AJAP1: variants seen among roughly 807,000 people sequenced by gnomAD.
AJAP1 encodes adherens junction-associated protein 1.
AJAP1 carries 5 observed loss-of-function variants against 35.0 expected under a neutral mutation model. The ratio of observed to expected loss-of-function variants is 0.14; its 90% CI spans 0.07 to 0.30. The LOEUF is 0.30. Ranked by LOEUF, AJAP1 falls within the 10% of genes least tolerant of loss-of-function variation. The pLI is 1.00. For synonymous variants in AJAP1, 284 were observed against 249.3 expected (o/e 1.14, Z -1.31); for missense variants, 586 against 571.0 (o/e 1.03, Z -0.27).
chr1:4,700,287 C>T (rs935749426), intron 1 of AJAP1, among the ~76,000 whole-genome samples: 1 of 152,096 alleles, frequency 6.6e-6, no homozygotes, highest in Non-Finnish European at 1.5e-5. Context: ...TGAGGGAGGC[C>T]CTGGGGACAC....
In AJAP1 at chr1:4,659,596, G is replaced by A. The variant is rs900858342; in HGVS notation, c.29+4142G>A. ...GTCAGACCTCTGGTGGCCCTTGGGC[G>A]TGTCCCCAAGTACATCCGCCTCAGA... On this transcript the variant is annotated intron_variant, in intron 1 of 5. Transcript: ENST00000378191. Among the ~76,000 whole-genome samples the A allele has an allele frequency of 3.9e-5, 6 of 152,182 alleles. No individual in the cohort carries two copies. The East Asian group carries it at 5.8e-4, about 15-fold the overall frequency.
Position 4,712,528 on chromosome 1 carries a change from A to C in AJAP1, c.658A>C (p.Thr220Pro), listed in dbSNP as rs1042099732. 22 of 1,609,910 alleles carry C rather than the reference A, an allele frequency of 1.4e-5. No individual in the cohort carries two copies. The highest frequency in any genetic ancestry group is 1.6e-5 in the Non-Finnish European group (19 of 1,178,110). The change falls in exon 2 of 6, where the codon ACC (threonine) becomes CCC (proline). Residue 220 changes from threonine (T) to proline (P), a missense_variant. Transcript: ENST00000378191. ...QTRKTTVAAT[T>P]TTTTTATPMT... is the part of the protein sequence containing the mutation. ...ACGGAAGACAACTGTGGCCGCCACC[A>C]CCACCACCACCACCACGGCCACCCC...
Position 4,783,519 on chromosome 1 carries a change from GTGTATA to G in AJAP1, c.*1036_*1041del, listed in dbSNP as rs1393808705. 1.6e-5 allele frequency: 2 copies of G among 126,644 alleles called. No individual in the cohort carries two copies. The highest frequency in any genetic ancestry group is 2.5e-4 in the East Asian group (1 of 4,002). The allele number at this position is 126,644 out of a possible 1,614,324, so 7.8% of individuals were successfully genotyped here. Reference sequence around the variant, plus strand: ...TATATATATATATATATGTTTGTGTGTGTATATATATATATATATATATATGTTTGT... The same window carrying G: ...TATATATATATATATATGTTTGTGTGTATATATATATATATATATGTTTGT... On this transcript the variant is annotated 3_prime_UTR_variant, in exon 6 of 6. Coordinates refer to ENST00000378191, the MANE Select transcript of AJAP1 (RefSeq NM_018836.4).
intron 1 of AJAP1, among the ~76,000 whole-genome samples, chr1:4,707,361 A>G (rs946609667): frequency 2.0e-5 from 3 of 151,860 alleles, no homozygotes; most frequent in Non-Finnish European, 4.4e-5. Context: ...TTGTGCAGCT[A>G]CCCCCACACA....
intron 2 of AJAP1, among the ~76,000 whole-genome samples, chr1:4,733,058 C>T (rs1413730971): frequency 6.6e-6 from 1 of 152,144 alleles, no homozygotes. Flanking sequence ...AATTAAGAAG[C>T]TGTTAAAATG....
intron 2 of AJAP1, among the ~76,000 whole-genome samples, chr1:4,766,615 G>A (rs1254030894): frequency 1.3e-5 from 2 of 152,172 alleles, no homozygotes; most frequent in South Asian, 2.1e-4. Context: ...CTAAGCAGGA[G>A]CCCAGGAGCC....
Position 4,669,897 on chromosome 1 carries a change from C to T in AJAP1, c.29+14443C>T, listed in dbSNP as rs1036033015. On this transcript the variant is annotated intron_variant, in intron 1 of 5. Transcript: ENST00000378191. Reference sequence around the variant, plus strand: ...AACATACATGTACAGGTGTCTGTTTCGGTCCCTGTTTTTGATCCTTTGAGG... The same window carrying T: ...AACATACATGTACAGGTGTCTGTTTTGGTCCCTGTTTTTGATCCTTTGAGG... 3.5e-4 allele frequency among the ~76,000 whole-genome samples: 53 copies of T among 152,290 alleles called. 1 individual carries two copies. Among genetic ancestry groups the T allele is most frequent in the African/African-American group, 1.2e-3 (50 of 41,564 alleles).
chr1:4,730,256 G>A (rs1007702350), intron 2 of AJAP1, among the ~76,000 whole-genome samples: 11 of 152,220 alleles, frequency 7.2e-5, no homozygotes, highest in African/African-American at 2.4e-4. Flanking sequence ...TTGCTGCTGC[G>A]TTTGTAGCCA....
At chr1:4,719,704 C>T (rs954600884) in intron 2 of AJAP1, among the ~76,000 whole-genome samples, 1 of 152,190 alleles carries the variant, frequency 6.6e-6, no homozygotes, top group African/African-American at 2.4e-5. Context: ...CCTCCTCTAG[C>T]TCCGAATTGC....
intron 2 of AJAP1, among the ~76,000 whole-genome samples, chr1:4,727,058 C>T (rs922155075): frequency 1.3e-5 from 2 of 152,340 alleles, no homozygotes; most frequent in East Asian, 1.9e-4. Context: ...CCTGTGGCAG[C>T]AGGTTGCCAT....
Position 4,769,911 on chromosome 1 carries a change from T to C in AJAP1, c.888T>C (p.Ala296=). Residue 296 remains alanine (A), a synonymous_variant, in exon 3 of 6, where the codon GCT becomes GCC. Coordinates refer to ENST00000378191, the MANE Select transcript of AJAP1 (RefSeq NM_018836.4). ...ITVSLIMVIA[A]LITTLVLKNC... is the part of the protein sequence containing the mutation. ...TCTCCCTCATCATGGTCATAGCTGC[T>C]CTCATCACAACTCTTGTCTTAAAAA... 1 of 1,613,992 alleles carries C rather than the reference T, an allele frequency of 6.2e-7. No homozygotes were observed. Among genetic ancestry groups the C allele is most frequent in the Non-Finnish European group, 8.5e-7 (1 of 1,179,938 alleles).
intron 2 of AJAP1, among the ~76,000 whole-genome samples, chr1:4,756,856 C>T (rs1641443372): frequency 6.6e-6 from 1 of 152,156 alleles, no homozygotes; most frequent in South Asian, 2.1e-4. Context: ...TCCCAGAATG[C>T]TGAGAAGGGT....
At position 4,654,691 on chromosome 1, in the gene AJAP1, CCCGCGCGCCTCCT is replaced by C. The variant is rs1638830773; in HGVS notation, c.-727_-715del. 2 of 146,558 alleles carry C rather than the reference CCCGCGCGCCTCCT, an allele frequency of 1.4e-5. No homozygotes were observed. The highest frequency in any genetic ancestry group is 1.4e-4 in the Admixed American group (2 of 14,742). The allele number at this position is 146,558 out of a possible 1,614,324, so 9.1% of individuals were successfully genotyped here. A position where few individuals can be genotyped will look rare whatever the true frequency, so the allele number is the denominator to read the frequency against. On this transcript the variant is annotated 5_prime_UTR_variant, in exon 1 of 6. Transcript: ENST00000378191. The surrounding 1 kb of genome is among the most constrained non-coding windows in gnomAD (Gnocchi z 5.1). ...GCGCGGGCGGCGGGGCCCCGGGATC[CCCGCGCGCCTCCT>C]CCGCGCGGCGCCGCCGCCGCGCGTC...
intron 2 of AJAP1, among the ~76,000 whole-genome samples, chr1:4,740,927 G>A (rs1464402472): frequency 2.0e-5 from 3 of 152,080 alleles, no homozygotes; most frequent in African/African-American, 2.4e-5. Flanking sequence ...GGTGTCTTGC[G>A]TCTGGCACCC....
rs1215368766 is a variant in AJAP1 at position 4,684,704 on chromosome 1, A to G, written c.30-27196A>G. ...GACATCTATCCATTTCACAGGTGGG[A>G]ACCCTGAGGCACAAAGGTATCACTG... On this transcript the variant is annotated intron_variant, in intron 1 of 5. Coordinates refer to ENST00000378191, the MANE Select transcript of AJAP1 (RefSeq NM_018836.4). Among the ~76,000 whole-genome samples, 4 of 152,158 alleles carry G rather than the reference A, an allele frequency of 2.6e-5. 1 individual carries two copies. Among genetic ancestry groups the G allele is most frequent in the Admixed American group, 2.0e-4 (3 of 15,284 alleles).
At chr1:4,676,666 A>G (rs969897007) in intron 1 of AJAP1, among the ~76,000 whole-genome samples, 9 of 152,188 alleles carry the variant, frequency 5.9e-5, no homozygotes, top group African/African-American at 2.2e-4. Context: ...TGCCCAGCTC[A>G]TCTGTCATCT....
chr1:4,781,787 C>G lies in AJAP1; in HGVS notation c.*60-758C>G, dbSNP rs564462976. ...GCTCACCTGGCCATGCCCGGGGTGA[C>G]CGTCTGAGGGATGCTGACCTACTGG... On this transcript the variant is annotated intron_variant, in intron 5 of 5. Transcript: ENST00000378191. Among the ~76,000 whole-genome samples, 9 of 152,320 alleles carry G rather than the reference C, an allele frequency of 5.9e-5. No individual in the cohort carries two copies. In the South Asian group the frequency reaches 1.9e-3, roughly 32 times the overall value.
At chr1:4,666,048 A>T (rs1222798351) in intron 1 of AJAP1, among the ~76,000 whole-genome samples, 2 of 152,124 alleles carry the variant, frequency 1.3e-5, no homozygotes, top group Non-Finnish European at 2.9e-5. Context: ...ACAGATGGGG[A>T]TGTGGAGGCA....
chr1:4,673,125 C>A (rs1477093745), intron 1 of AJAP1, among the ~76,000 whole-genome samples: 3 of 152,154 alleles, frequency 2.0e-5, no homozygotes, highest in African/African-American at 7.2e-5. Context: ...AGACACAGCC[C>A]CACCAATGCC....
Sources: gnomAD v4.1 joint callset for allele counts (sites outside exome capture counted in the v4.1 genomes callset) on GRCh38, gnomAD v4.1.1 for gene constraint, Gnocchi (gnomAD v3.1) non-coding constraint, MANE v1.5 for transcripts, NCBI Gene and HGNC (gene_info 2026-07-23, HGNC 2026-07-21) for gene names.